MACROD2: variants seen among roughly 807,000 people sequenced by gnomAD.
MACROD2 encodes mono-ADP ribosylhydrolase 2.
In MACROD2, 36 loss-of-function variants were observed where a neutral mutation model predicts 70.4. The ratio of observed to expected loss-of-function variants is 0.51; its 90% CI spans 0.39 to 0.68. MACROD2 has a LOEUF of 0.68. Among genes scored for constraint, MACROD2 ranks in the 30% least tolerant of loss-of-function variants. The pLI is 0.00. For missense variants in MACROD2, 496 were observed against 538.4 expected (o/e 0.92, Z 0.78); for synonymous variants, 172 against 178.8 (o/e 0.96, Z 0.30).
chr20:15,996,686 G>T (rs946089380), intron 15 of MACROD2, among the ~76,000 whole-genome samples: 1 of 151,460 alleles, frequency 6.6e-6, no homozygotes, highest in Non-Finnish European at 1.5e-5. Context: ...TTCCTTTTCT[G>T]TTTAGAAGCT....
chr20:14,573,064 T>TC (rs1555803524), intron 4 of MACROD2, among the ~76,000 whole-genome samples: 9 of 151,556 alleles, frequency 5.9e-5, no homozygotes, highest in East Asian at 3.9e-4. Context: ...GCCTTTTTTT[T>TC]CCCTTTTGCA....
At chr20:15,571,986 A>T (rs1413830059) in intron 8 of MACROD2, among the ~76,000 whole-genome samples, 1 of 152,100 alleles carries the variant, frequency 6.6e-6, no homozygotes, top group Non-Finnish European at 1.5e-5. Flanking sequence ...GTTTGTTAGC[A>T]TGAGCAGCTA....
intron 6 of MACROD2, among the ~76,000 whole-genome samples, chr20:15,241,785 A>C (rs925282857): frequency 1.3e-5 from 2 of 151,430 alleles, no homozygotes; most frequent in South Asian, 2.1e-4. Flanking sequence ...AAAAAAAGGA[A>C]TAGCTCAAAT....
chr20:15,267,760 G>T (rs574848345), intron 6 of MACROD2, among the ~76,000 whole-genome samples: 13 of 152,270 alleles, frequency 8.5e-5, no homozygotes, highest in African/African-American at 2.9e-4. Flanking sequence ...CCTGAGCACT[G>T]GGAGGATGGG....
At chr20:14,271,492 G>A (rs1240909655) in intron 3 of MACROD2, among the ~76,000 whole-genome samples, 4 of 152,152 alleles carry the variant, frequency 2.6e-5, no homozygotes, top group Non-Finnish European at 5.9e-5. Context: ...AAACCCATCT[G>A]CACATCACCA....
intron 2 of MACROD2, among the ~76,000 whole-genome samples, chr20:14,035,951 G>A (rs59386594): frequency 0.2 from 30,956 of 152,138 alleles, 3,495 homozygotes; most frequent in Non-Finnish European, 0.25. Flanking sequence ...GACCATCCTG[G>A]CTAACATGGT....
chr20:15,313,289 G>A (rs879602660), intron 6 of MACROD2, among the ~76,000 whole-genome samples: 19 of 151,870 alleles, frequency 1.3e-4, no homozygotes, highest in Non-Finnish European at 2.1e-4. Context: ...GGTGGATCAC[G>A]AGGTCAGGAG....
At position 14,382,397 on chromosome 20, in the gene MACROD2, G is replaced by A. The variant is rs148983727; in HGVS notation, c.272-111082G>A. Reference sequence around the variant, plus strand: ...TGAAAGGTTAATCTGGGCCAGGCGTGGTGGCTCACGCCTGTAATCCCAGCA... The same window carrying A: ...TGAAAGGTTAATCTGGGCCAGGCGTAGTGGCTCACGCCTGTAATCCCAGCA... On this transcript the variant is annotated intron_variant, in intron 3 of 17. Coordinates refer to ENST00000684519, the MANE Select transcript of MACROD2 (RefSeq NM_001351661.2). Among the ~76,000 whole-genome samples the A allele has an allele frequency of 8.2e-3, 1,240 of 151,848 alleles. 14 individuals carry two copies. The highest frequency in any genetic ancestry group is 0.028 in the African/African-American group (1,179 of 41,470).
chr20:14,944,440 T>C (rs1284011878), intron 5 of MACROD2, among the ~76,000 whole-genome samples: 3 of 152,212 alleles, frequency 2.0e-5, no homozygotes, highest in Non-Finnish European at 4.4e-5. Context: ...AATTGTATAC[T>C]GTGCCTTGAA....
chr20:15,412,072 A>T (rs1170033976), intron 6 of MACROD2, among the ~76,000 whole-genome samples: 1 of 152,126 alleles, frequency 6.6e-6, no homozygotes, highest in African/African-American at 2.4e-5. Flanking sequence ...GTGGGTGACA[A>T]AGAATGTCTG....
chr20:15,170,575 A>G (rs577462555), intron 5 of MACROD2, among the ~76,000 whole-genome samples: 1 of 152,262 alleles, frequency 6.6e-6, no homozygotes, highest in East Asian at 1.9e-4. Context: ...GCTCCTCACC[A>G]TCTCTGACCA....
intron 5 of MACROD2, among the ~76,000 whole-genome samples, chr20:15,026,118 G>C (rs985121874): frequency 6.6e-6 from 1 of 152,088 alleles, no homozygotes; most frequent in African/African-American, 2.4e-5. Flanking sequence ...TCTTCAGGGG[G>C]GAACATTAAT....
Position 14,526,972 on chromosome 20 carries a change from C to T in MACROD2, c.301+33464C>T, listed in dbSNP as rs138773405. 2.5e-3 allele frequency among the ~76,000 whole-genome samples: 380 copies of T among 152,316 alleles called. 1 individual carries two copies. Among genetic ancestry groups the T allele is most frequent in the African/African-American group, 8.5e-3 (355 of 41,576 alleles). On this transcript the variant is annotated intron_variant, in intron 4 of 17. Transcript: ENST00000684519. ...CTGGGACTCTTGCCTTGGTGTTGTA[C>T]GGATCATATGTGGACTTGGAGAATG...
At chr20:15,957,177 A>G (rs1193459481) in intron 12 of MACROD2, among the ~76,000 whole-genome samples, 2 of 152,134 alleles carry the variant, frequency 1.3e-5, no homozygotes, top group Non-Finnish European at 2.9e-5. Flanking sequence ...AAAGGAGGAA[A>G]ATGGTAGACA....
intron 8 of MACROD2, among the ~76,000 whole-genome samples, chr20:15,635,477 TA>T (rs763773701): frequency 6.6e-6 from 1 of 152,118 alleles, no homozygotes; most frequent in Non-Finnish European, 1.5e-5. Flanking sequence ...CTAGGCAAAT[TA>T]GAACAGGAAT....
chr20:15,543,678 G>T (rs928316155), intron 8 of MACROD2, among the ~76,000 whole-genome samples: 2 of 152,026 alleles, frequency 1.3e-5, no homozygotes, highest in Admixed American at 6.5e-5. Context: ...TGCAAATTAT[G>T]TGGCTAAACA....
At chr20:14,467,512 G>C (rs112950669) in intron 3 of MACROD2, among the ~76,000 whole-genome samples, 1 of 152,052 alleles carries the variant, frequency 6.6e-6, no homozygotes, top group African/African-American at 2.4e-5. Context: ...TCCCTGCTTT[G>C]GCTCACGCAT....
At chr20:14,049,674 A>C (rs1219219252) in intron 2 of MACROD2, among the ~76,000 whole-genome samples, 1 of 151,740 alleles carries the variant, frequency 6.6e-6, no homozygotes, top group African/African-American at 2.4e-5. Flanking sequence ...AATCGCTTGA[A>C]CCCAGGAGGC....
At chr20:15,039,837 AG>A (rs1012818078) in intron 5 of MACROD2, among the ~76,000 whole-genome samples, 1 of 152,162 alleles carries the variant, frequency 6.6e-6, no homozygotes, top group Non-Finnish European at 1.5e-5. Context: ...TTCAAAACTA[AG>A]GGTCATTTTT....
Sources: gnomAD v4.1 joint callset for allele counts (sites outside exome capture counted in the v4.1 genomes callset) on GRCh38, gnomAD v4.1.1 for gene constraint, MANE v1.5 for transcripts, NCBI Gene and HGNC (gene_info 2026-07-23, HGNC 2026-07-21) for gene names.